The following SETD5 variants were observed in gnomAD, a reference collection of about 807,000 sequenced individuals.
The protein encoded by SETD5 is histone-lysine N-methyltransferase SETD5.
SETD5 carries 44 observed loss-of-function variants against 153.3 expected under a neutral mutation model. That is an observed-to-expected ratio of 0.29 (90% CI 0.23 to 0.37). SETD5 has a LOEUF of 0.37. SETD5 is among the 10% of genes least tolerant of loss of function. The probability of loss-of-function intolerance (pLI) is 1.00; values close to 1 mark genes in which losing one functional copy is unlikely to be tolerated. For synonymous variants in SETD5, 716 were observed against 645.2 expected (o/e 1.11, Z -1.66); for missense variants, 1,544 against 1,768.0 (o/e 0.87, Z 2.27).
At position 9,435,605 on chromosome 3, in the gene SETD5, A is replaced by T. The variant is rs1575390509; in HGVS notation, c.389-123A>T. 3.6e-6 allele frequency: 3 copies of T among 837,226 alleles called. No individual in the cohort carries two copies. In the East Asian group the frequency reaches 8.9e-5, roughly 25 times the overall value. The allele number at this position is 837,226 out of a possible 1,614,324, so 51.9% of individuals were successfully genotyped here. A position where few individuals can be genotyped will look rare whatever the true frequency, so the allele number is the denominator to read the frequency against. The stretch of plus-strand genomic sequence containing the variant: ...ATGAGTATTTAACGTTGCTTTACAG[A>T]TGATAAGAGTTAATAGTGGAAGTAA... On this transcript the variant is annotated intron_variant, in intron 6 of 22. Transcript: ENST00000402198.
chr3:9,410,912 G>A (rs1211797596), intron 1 of SETD5, among the ~76,000 whole-genome samples: 3 of 146,586 alleles, frequency 2.0e-5, no homozygotes, highest in Admixed American at 6.9e-5. Context: ...TTTTTGAGAT[G>A]GAGTCTCGCT....
At chr3:9,398,470 C>T (rs918454975) in intron 1 of SETD5, 3 of 152,244 alleles carry the variant, frequency 2.0e-5, no homozygotes, top group Non-Finnish European at 4.4e-5. Context: ...GGACGCCTTC[C>T]CTCTCGTTTT....
chr3:9,410,180 A>G (rs1283498892), intron 1 of SETD5, among the ~76,000 whole-genome samples: 1 of 152,216 alleles, frequency 6.6e-6, no homozygotes, highest in Admixed American at 6.5e-5. Flanking sequence ...TCTGTGCAGC[A>G]TGTGACCACT....
intron 3 of SETD5, chr3:9,430,245 T>C (rs985770302): frequency 1.1e-4 from 112 of 984,940 alleles, no homozygotes; most frequent in Middle Eastern, 1.0e-3. Context: ...CCACCTAATA[T>C]AACTTACCTG....
chr3:9,449,415 C>G (rs1359230474), intron 16 of SETD5: 1 of 152,162 alleles, frequency 6.6e-6, no homozygotes, highest in Admixed American at 6.5e-5. Context: ...ATAGGACACC[C>G]TTTCATTTGG....
Position 9,445,671 on chromosome 3 carries a change from A to G in SETD5, c.1455A>G (p.Pro485=). ...CTATCTTAAAGGAAGTAGACAATCC[A>G]GAAGAAAAACCAGAAGAAGAGAAAG... The part of the protein sequence containing the change: ...VSSDHEEVDN[P]EEKPEEEKEE... Residue 485 remains proline (P), a synonymous_variant, in exon 13 of 23, where the codon CCA becomes CCG. Transcript: ENST00000402198. The G allele has an allele frequency of 6.2e-7, 1 of 1,613,630 alleles. No homozygotes were observed. Among genetic ancestry groups the G allele is most frequent in the Non-Finnish European group, 8.5e-7 (1 of 1,179,688 alleles).
Position 9,476,021 on chromosome 3 carries a change from G to A in SETD5, c.4259G>A (p.Gly1420Glu). The A allele has an allele frequency of 1.2e-6, 2 of 1,613,998 alleles. No homozygotes were observed. ...CAGCACTACCCACACCGTGGGAGTG[G>A]GGGTGTGCACCAGTACCGACTCCAG... ...NSQHYPHRGS[G>E]GVHQYRLQPL... The change falls in exon 23 of 23, where the codon GGG becomes GAG. Residue 1420 changes from glycine to glutamate, a missense_variant. Transcript: ENST00000402198.
At chr3:9,461,567 A>G (rs1482498944) in intron 17 of SETD5, among the ~76,000 whole-genome samples, 4 of 152,230 alleles carry the variant, frequency 2.6e-5, no homozygotes, top group African/African-American at 7.2e-5. Context: ...TTTGGAAACT[A>G]TATATGCAGG....
At position 9,448,257 on chromosome 3, in the gene SETD5, T is replaced by G. The variant is rs554461618; in HGVS notation, c.2104-131T>G. Reference sequence around the variant, plus strand: ...AGGGTGAAGGAAGATATCCTTGTGTTCTAGTTGCTCAATTCATTCTTACTG... The same window carrying G: ...AGGGTGAAGGAAGATATCCTTGTGTGCTAGTTGCTCAATTCATTCTTACTG... On this transcript the variant is annotated intron_variant, in intron 15 of 22. Coordinates refer to ENST00000402198, the MANE Select transcript of SETD5 (RefSeq NM_001080517.3). The G allele has an allele frequency of 2.4e-4, 333 of 1,372,546 alleles. 1 individual carries two copies. Among genetic ancestry groups the G allele is most frequent in the Non-Finnish European group, 2.7e-4 (276 of 1,028,954 alleles). The allele number at this position is 1,372,546 out of a possible 1,614,324, so 85.0% of individuals were successfully genotyped here. A position where few individuals can be genotyped will look rare whatever the true frequency, so the allele number is the denominator to read the frequency against.
intron 2 of SETD5, 60 bp from the exon 3 acceptor site, chr3:9,428,763 T>G (rs1559387658): frequency 2.3e-5 from 10 of 437,800 alleles, no homozygotes; most frequent in Admixed American, 1.2e-4. Context: ...AAGATAAACT[T>G]GAAGAACTAT....
chr3:9,430,379 G>T (rs2039817995), intron 3 of SETD5: 1 of 976,698 alleles, frequency 1.0e-6, no homozygotes, highest in Non-Finnish European at 1.2e-6. Context: ...GAGAAAGGAG[G>T]GTTGGGGGTG....
rs372223844 is a variant in SETD5 at position 9,470,542 on chromosome 3, A to C, written c.2808A>C (p.Leu936=). The change falls in exon 19 of 23, where the codon CTA becomes CTC. Residue 936 remains leucine (L), a synonymous_variant. Transcript: ENST00000402198. The stretch of plus-strand genomic sequence containing the variant: ...ACAGCTGTGCTGATAGACCTTCCCT[A>C]CTCAACTCAGGTCATTCTGACCTGG... ...NTNSCADRPS[L]LNSGHSDLAP... 2 of 1,613,516 alleles carry C rather than the reference A, an allele frequency of 1.2e-6. No homozygotes were observed. Among genetic ancestry groups the C allele is most frequent in the South Asian group, 2.2e-5 (2 of 91,050 alleles).
Position 9,434,912 on chromosome 3 carries a change from T to TTGA in SETD5, c.388+31_388+33dup. On this transcript the variant is annotated intron_variant, in intron 6 of 22. Coordinates refer to ENST00000402198, the MANE Select transcript of SETD5 (RefSeq NM_001080517.3). The surrounding 1 kb of genome is among the most constrained non-coding windows in gnomAD (Gnocchi z 5.6). ...GCGGAAGATGGGTTAGGTCCACAATTTGACATAAAAATATTCTGTGATCTG... is the reference window on the plus strand; with the variant it reads ...GCGGAAGATGGGTTAGGTCCACAATTTGATGACATAAAAATATTCTGTGATCTG... 1 of 1,606,288 alleles carries TTGA rather than the reference T, an allele frequency of 6.2e-7. No individual in the cohort carries two copies. The highest frequency in any genetic ancestry group is 8.5e-7 in the Non-Finnish European group (1 of 1,176,466).
At chr3:9,408,608 TAAAC>T (rs1398976355) in intron 1 of SETD5, among the ~76,000 whole-genome samples, 9 of 149,228 alleles carry the variant, frequency 6.0e-5, no homozygotes, top group African/African-American at 1.3e-4. Context: ...ATTCCTCTAT[TAAAC>T]AACCTCCCCC....
rs569470877 is a variant in SETD5 at position 9,456,622 on chromosome 3, C to T, written c.2476+2754C>T. Among the ~76,000 whole-genome samples, 49 of 152,026 alleles carry T rather than the reference C, an allele frequency of 3.2e-4. No homozygotes were observed. In the South Asian group the frequency reaches 8.9e-3, roughly 28 times the overall value. On this transcript the variant is annotated intron_variant, in intron 17 of 22. Coordinates refer to ENST00000402198, the MANE Select transcript of SETD5 (RefSeq NM_001080517.3). ...CAGGCCCATAAGAGTAATTATTATACGGTCATTATTCTACACAGAATACTC... is the reference window on the plus strand; with the variant it reads ...CAGGCCCATAAGAGTAATTATTATATGGTCATTATTCTACACAGAATACTC...
In SETD5 at chr3:9,404,627, G is replaced by C. The variant is rs192502445; in HGVS notation, c.-177+6650G>C. Reference sequence around the variant, plus strand: ...CAAGCACCAGTCTCCATACCAGACAGTTTTCTCTGCATGTGCTATGACCCA... The same window carrying C: ...CAAGCACCAGTCTCCATACCAGACACTTTTCTCTGCATGTGCTATGACCCA... On this transcript the variant is annotated intron_variant, in intron 1 of 22. Coordinates refer to ENST00000402198, the MANE Select transcript of SETD5 (RefSeq NM_001080517.3). Among the ~76,000 whole-genome samples the C allele has an allele frequency of 2.6e-5, 4 of 152,292 alleles. No homozygotes were observed. The East Asian group carries it at 5.8e-4, about 22-fold the overall frequency.
chr3:9,445,295 C>G lies in SETD5; in HGVS notation c.1435C>G (p.His479Asp). ...AGAAAAAGTAACTGTATCCAGTGAT[C>G]ATGAGGTAATCGCCCCTGGTCAAAT... The part of the protein sequence containing the change: ...VPEKVTVSSD[H>D]EEVDNPEEKP... Residue 479 changes from histidine (H) to aspartate (D), a missense_variant, in exon 12 of 23, where the codon CAT (histidine) becomes GAT (aspartate). Coordinates refer to ENST00000402198, the MANE Select transcript of SETD5 (RefSeq NM_001080517.3). The G allele has an allele frequency of 6.2e-7, 1 of 1,603,058 alleles. No homozygotes were observed. Among genetic ancestry groups the G allele is most frequent in the Admixed American group, 1.7e-5 (1 of 58,138 alleles).
intron 3 of SETD5, chr3:9,432,194 A>T: frequency 1.5e-6 from 1 of 681,092 alleles, no homozygotes; most frequent in Non-Finnish European, 1.8e-6. Context: ...TCTTGCAGAC[A>T]CTTTTAAGTA....
At chr3:9,453,905 G>A in intron 17 of SETD5, 37 bp downstream of exon 17, 1 of 1,478,938 alleles carries the variant, frequency 6.8e-7, no homozygotes. Context: ...TATGACCAAT[G>A]ATTGTTTCAG....
Sources: gnomAD v4.1 joint callset for allele counts (sites outside exome capture counted in the v4.1 genomes callset) on GRCh38, gnomAD v4.1.1 for gene constraint, Gnocchi (gnomAD v3.1) non-coding constraint, MANE v1.5 for transcripts, NCBI Gene and HGNC (gene_info 2026-07-23, HGNC 2026-07-21) for gene names.